Variants in PRKACB observed in about 807,000 individuals in gnomAD.
PRKACB encodes the protein protein kinase cAMP-activated catalytic subunit beta.
Under a neutral mutation model 51.4 loss-of-function variants are expected in PRKACB, and 16 were observed. The observed-to-expected ratio is 0.31, with a 90% CI of 0.21 to 0.47. The LOEUF (loss-of-function observed/expected upper bound fraction) is 0.47. PRKACB is among the 20% of genes least tolerant of loss of function. The pLI, the probability that PRKACB is intolerant of heterozygous loss-of-function variation, is 1.00. For missense variants in PRKACB, 309 were observed against 464.5 expected, an observed-to-expected ratio of 0.67 and a Z score of 3.08; for synonymous variants, 147 against 154.4, an observed-to-expected ratio of 0.95 and a Z score of 0.35.
intron 6 of PRKACB, 113 bp downstream of exon 6, chr1:84,196,855 G>A: frequency 2.6e-6 from 3 of 1,168,336 alleles, no homozygotes; most frequent in Non-Finnish European, 3.6e-6. Flanking sequence ...TCTCCTAATA[G>A]TTTAAGTAGA....
chr1:84,080,866 C>G (rs1647478923), intron 1 of PRKACB, among the ~76,000 whole-genome samples: 1 of 150,910 alleles, frequency 6.6e-6, no homozygotes, highest in Non-Finnish European at 1.5e-5. Flanking sequence ...GGACTCCATT[C>G]AGCATCAATA....
chr1:84,211,127 TCACACACACACACA>T (rs3051185), intron 8 of PRKACB, among the ~76,000 whole-genome samples: 8 of 148,832 alleles, frequency 5.4e-5, no homozygotes, highest in African/African-American at 1.7e-4. Context: ...CACTCCACTG[TCACACACACACACA>T]CACACACACA....
intron 9 of PRKACB, among the ~76,000 whole-genome samples, chr1:84,228,501 G>C (rs1010594657): frequency 7.1e-6 from 1 of 141,348 alleles, no homozygotes. Flanking sequence ...TTCTATAAAG[G>C]CTGTGCAGAT....
At chr1:84,166,457 T>G (rs540382590) in intron 1 of PRKACB, among the ~76,000 whole-genome samples, 1 of 151,878 alleles carries the variant, frequency 6.6e-6, no homozygotes, top group East Asian at 1.9e-4. Flanking sequence ...TCACTATTGC[T>G]TTATTTTTCT....
chr1:84,229,740 G>C (rs1484196367), intron 9 of PRKACB, among the ~76,000 whole-genome samples: 1 of 150,628 alleles, frequency 6.6e-6, no homozygotes, highest in East Asian at 1.9e-4. Context: ...CTTTTGAGAA[G>C]TGTCTGTTCA....
chr1:84,091,921 G>T lies in PRKACB; in HGVS notation c.46+13550G>T, dbSNP rs369533617. On this transcript the variant is annotated intron_variant, in intron 1 of 8. Coordinates refer to the PRKACB transcript ENST00000370688. ...CCCAAAAATCTTCAAATGTTTTTTC[G>T]CAGTGATATCTGTAACAATAACAGT... Among the ~76,000 whole-genome samples, 29 of 152,132 alleles carry T rather than the reference G, an allele frequency of 1.9e-4. No homozygotes were observed. In the East Asian group the frequency reaches 5.4e-3, roughly 28 times the overall value.
intron 1 of PRKACB, among the ~76,000 whole-genome samples, chr1:84,129,020 A>G (rs747092797): frequency 1.3e-5 from 2 of 152,202 alleles, no homozygotes; most frequent in Non-Finnish European, 1.5e-5. Context: ...AGACTCAAAC[A>G]TATGAATAAA....
At chr1:84,200,624 A>G (rs1407662656) in intron 7 of PRKACB, among the ~76,000 whole-genome samples, 1 of 117,562 alleles carries the variant, frequency 8.5e-6, no homozygotes, top group East Asian at 2.2e-4. Flanking sequence ...GGGGTTTTGC[A>G]TTTAGGTCTT....
chr1:84,205,739 G>T (rs908889169), intron 8 of PRKACB, among the ~76,000 whole-genome samples: 4 of 151,844 alleles, frequency 2.6e-5, no homozygotes, highest in African/African-American at 9.7e-5. Flanking sequence ...ACTCAAGCTG[G>T]TATTTTTAAA....
At chr1:84,206,870 G>C (rs1671416557) in intron 8 of PRKACB, among the ~76,000 whole-genome samples, 1 of 152,156 alleles carries the variant, frequency 6.6e-6, no homozygotes, top group Non-Finnish European at 1.5e-5. Flanking sequence ...TTCTTTCTAA[G>C]GGTAGCAGTC....
intron 1 of PRKACB, among the ~76,000 whole-genome samples, chr1:84,177,749 G>A (rs913208337): frequency 4.6e-5 from 7 of 151,978 alleles, no homozygotes; most frequent in African/African-American, 1.4e-4. Flanking sequence ...CTTAAAAAAA[G>A]TAATAGAAAG....
intron 1 of PRKACB, chr1:84,086,290 C>T: frequency 1.7e-6 from 2 of 1,147,010 alleles, no homozygotes; most frequent in Non-Finnish European, 2.6e-6. Context: ...AGAACTTGGC[C>T]CTTCCTGCTG....
At chr1:84,198,031 C>G (rs1216316830) in intron 7 of PRKACB, among the ~76,000 whole-genome samples, 1 of 152,012 alleles carries the variant, frequency 6.6e-6, no homozygotes, top group Non-Finnish European at 1.5e-5. Flanking sequence ...AACTCTGGGT[C>G]TTAGAGATAT....
upstream of PRKACB, among the ~76,000 whole-genome samples, chr1:84,139,458 T>C (rs1571761906): frequency 6.6e-6 from 1 of 152,320 alleles, no homozygotes; most frequent in East Asian, 1.9e-4. Flanking sequence ...TAAAACATTT[T>C]TAAAGAACTG....
At chr1:84,195,776 G>A (rs757876475) in intron 5 of PRKACB, among the ~76,000 whole-genome samples, 1 of 151,980 alleles carries the variant, frequency 6.6e-6, no homozygotes. Flanking sequence ...AGCCGGGCAT[G>A]GTGGTGGGCG....
chr1:84,163,630 ACT>A (rs1656570942), intron 1 of PRKACB, among the ~76,000 whole-genome samples: 1 of 151,878 alleles, frequency 6.6e-6, no homozygotes, highest in African/African-American at 2.4e-5. Flanking sequence ...TCTGACTCCC[ACT>A]GTTTTTAGGC....
chr1:84,119,960 A>G (rs753806009), intron 1 of PRKACB, among the ~76,000 whole-genome samples: 20 of 152,106 alleles, frequency 1.3e-4, no homozygotes, highest in Non-Finnish European at 1.9e-4. Flanking sequence ...TATACTCAAT[A>G]TGCAAATTAC....
chr1:84,091,050 T>G (rs1648426997), intron 1 of PRKACB, among the ~76,000 whole-genome samples: 1 of 152,130 alleles, frequency 6.6e-6, no homozygotes, highest in Admixed American at 6.5e-5. Context: ...GTTTTCTCTT[T>G]GACCCTACTT....
At chr1:84,085,569 A>G (rs1163506873) in intron 1 of PRKACB, among the ~76,000 whole-genome samples, 2 of 152,190 alleles carry the variant, frequency 1.3e-5, no homozygotes, top group African/African-American at 2.4e-5. Context: ...GTGCTCACAA[A>G]ATGTGTGGGC....
Sources: allele counts gnomAD v4.1 joint callset (sites outside exome capture counted in the v4.1 genomes callset), GRCh38; gene constraint gnomAD v4.1.1; transcripts MANE v1.5; gene names NCBI Gene and HGNC (gene_info 2026-07-23, HGNC 2026-07-21).